NBPF26: variants seen among roughly 807,000 people sequenced by gnomAD.
The protein encoded by NBPF26 is NBPF family member NBPF26.
NBPF26 carries 79 observed loss-of-function variants against 119.6 expected under a neutral mutation model. That is an observed-to-expected ratio of 0.66 (90% CI 0.55 to 0.80). The LOEUF (loss-of-function observed/expected upper bound fraction) is 0.80. Among genes scored for constraint, NBPF26 ranks in the 30% least tolerant of loss-of-function variants. The pLI, the probability that NBPF26 is intolerant of heterozygous loss-of-function variation, is 0.00. For missense variants in NBPF26, 800 were observed against 1,198.2 expected, an observed-to-expected ratio of 0.67 and a Z score of 4.91; for synonymous variants, 299 against 457.7, an observed-to-expected ratio of 0.65 and a Z score of 4.43.
rs1221518025 is a variant in NBPF26, at chr1:120,763,691, G to T, written c.137G>T (p.Ser46Ile). ...AAAGGAATGTGTGTTACCTACCACA[G>T]TGGCACAGGATACTGCAAGTAAGTT... The change falls in exon 2 of 30, where the codon AGT becomes ATT. Residue 46 changes from serine (S) to isoleucine (I), a missense_variant. Physicochemically the swap from Ser to Ile is moderately radical, Grantham distance 142. Transcript: ENST00000620612. The T allele has an allele frequency of 2.4e-5, 34 of 1,392,792 alleles. 7 individuals are homozygous for T. The highest frequency in any genetic ancestry group is 2.9e-5 in the Non-Finnish European group (30 of 1,036,204). The allele number at this position is 1,392,792 out of a possible 1,614,324, so 86.3% of individuals were successfully genotyped here.
chr1:120,813,404 T>G (rs1341612211), intron 10 of NBPF26, among the ~76,000 whole-genome samples: 1 of 127,348 alleles, frequency 7.9e-6, no homozygotes, highest in African/African-American at 3.8e-5. Context: ...CTTAAAATCA[T>G]AACTGGAGAT....
At chr1:120,724,226 C>T in exon 1 of NBPF26, 1 of 1,405,060 alleles carries the variant, frequency 7.1e-7, no homozygotes, top group Non-Finnish European at 9.3e-7. Flanking sequence ...GGCGCTCTGG[C>T]TGTGCTGGGC....
intron 3 of NBPF26, among the ~76,000 whole-genome samples, chr1:120,790,010 CT>C (rs1174501165): frequency 9.2e-4 from 32 of 34,962 alleles, no homozygotes; most frequent in African/African-American, 3.0e-3. Context: ...TTCTGATCAC[CT>C]TTTTTTTTTT....
Position 120,819,294 on chromosome 1 carries a change from T to C in NBPF26, c.2423+1120T>C, listed in dbSNP as rs1397228625. 6.0e-5 allele frequency among the ~76,000 whole-genome samples: 7 copies of C among 116,738 alleles called. 1 individual carries two copies. The highest frequency in any genetic ancestry group is 2.5e-4 in the Admixed American group (3 of 12,222). 76.6% of individuals were successfully genotyped at this position (116,738 alleles called of 152,430 possible). A position where few individuals can be genotyped will look rare whatever the true frequency, so the allele number is the denominator to read the frequency against. On this transcript the variant is annotated intron_variant, in intron 15 of 29. Transcript: ENST00000620612. ...AAGTCTGTTTTATCAGAGACTAGGA[T>C]TGCAACCCCTGCCTTTTTTTTGTTT...
chr1:120,811,944 G>T lies in NBPF26; in HGVS notation c.1623G>T (p.Leu541Phe), dbSNP rs1240614162. ...GCATGGTGGTATCAGCCGGCCCTTT[G>T]TCCGGCGAGAAGGCAGCGATAAACA... The change falls in exon 10 of 30, where the codon TTG (leucine) becomes TTT (phenylalanine). Residue 541 changes from leucine (L) to phenylalanine (F), a missense_variant. By Grantham distance (22) the Leu-to-Phe change is conservative. This residue lies in a region of NBPF26 where 72 missense variants were observed against 81.1 expected (regional missense o/e 0.89). Transcript: ENST00000620612. 129 of 1,208,984 alleles carry T rather than the reference G, an allele frequency of 1.1e-4. 31 individuals carry two copies. The highest frequency in any genetic ancestry group is 1.4e-4 in the Non-Finnish European group (126 of 871,404). 74.9% of individuals were successfully genotyped at this position (1,208,984 alleles called of 1,614,324 possible).
chr1:120,823,722 G>A (rs1208713445), intron 17 of NBPF26, among the ~76,000 whole-genome samples: 2 of 110,268 alleles, frequency 1.8e-5, no homozygotes, highest in Admixed American at 1.7e-4. Context: ...CCTCATCAGT[G>A]TGTCACCTGA....
At chr1:120,724,416 C>G (rs1650792473) in intron 1 of NBPF26, among the ~76,000 whole-genome samples, 166 bp downstream of exon 1, 1 of 120,542 alleles carries the variant, frequency 8.3e-6, no homozygotes, top group African/African-American at 4.6e-5. Context: ...CCGGGGGCCC[C>G]TCCCGTGGTG....
At chr1:120,840,665 A>T (rs1383896693), downstream of NBPF26, 80 of 1,436,706 alleles carry the variant, frequency 5.6e-5, 18 homozygotes, top group Non-Finnish European at 7.4e-5. Context: ...TTTGAATGAA[A>T]GTACAGTTCC....
intron 3 of NBPF26, 96 bp from the exon 4 acceptor site, chr1:120,793,065 C>T (rs1651510766): frequency 3.2e-6 from 2 of 618,312 alleles, no homozygotes. Context: ...TTGAGGTCTT[C>T]TCCACGCAAG....
intron 17 of NBPF26, among the ~76,000 whole-genome samples, chr1:120,823,770 G>A (rs1392214344): frequency 8.9e-6 from 1 of 112,426 alleles, no homozygotes; most frequent in African/African-American, 5.0e-5. Context: ...GTGTGTGTGT[G>A]TGTGTGTGTG....
chr1:120,756,667 G>A (rs1418094661), intron 1 of NBPF26, among the ~76,000 whole-genome samples: 1 of 117,814 alleles, frequency 8.5e-6, no homozygotes, highest in East Asian at 2.1e-4. Flanking sequence ...AATTACTCAT[G>A]TTAGAGATTC....
At chr1:120,802,414 G>A (rs2101483080) in intron 4 of NBPF26, among the ~76,000 whole-genome samples, 1 of 126,402 alleles carries the variant, frequency 7.9e-6, no homozygotes, top group East Asian at 2.0e-4. Flanking sequence ...CTAAAGCAGA[G>A]GAGAAACTGT....
chr1:120,790,407 C>A (rs1651474021), intron 3 of NBPF26, among the ~76,000 whole-genome samples: 1 of 115,818 alleles, frequency 8.6e-6, no homozygotes, highest in Non-Finnish European at 1.6e-5. Context: ...TGTGATAGCA[C>A]TATACCTCAG....
rs1377216940 is a variant in NBPF26 at position 120,790,367 on chromosome 1, A to G, written c.416-2794A>G. Among the ~76,000 whole-genome samples, 2 of 114,464 alleles carry G rather than the reference A, an allele frequency of 1.7e-5. 1 individual carries two copies. Among genetic ancestry groups the G allele is most frequent in the Admixed American group, 1.7e-4 (2 of 11,982 alleles). 75.1% of individuals were successfully genotyped at this position (114,464 alleles called of 152,430 possible). On this transcript the variant is annotated intron_variant, in intron 3 of 29. Transcript: ENST00000620612. ...ATTTTTGTCTATCACTTTAGGAATC[A>G]TCACAGATCAAGGTCATCCTTTTGG...
At position 120,804,639 on chromosome 1, in the gene NBPF26, A is replaced by T. The variant is rs1266358036; in HGVS notation, c.752-917A>T. 1.7e-5 allele frequency among the ~76,000 whole-genome samples: 2 copies of T among 119,776 alleles called. 1 individual carries two copies. The highest frequency in any genetic ancestry group is 3.3e-5 in the Non-Finnish European group (2 of 60,864). 78.6% of individuals were successfully genotyped at this position (119,776 alleles called of 152,430 possible). A position where few individuals can be genotyped will look rare whatever the true frequency, so the allele number is the denominator to read the frequency against. On this transcript the variant is annotated intron_variant, in intron 4 of 29. Coordinates refer to ENST00000620612, the Ensembl canonical transcript of NBPF26. Reference sequence around the variant, plus strand: ...AAAGAGGTCTTGTGGCACTAGAATGACATCTATAAGTGACAAGTTTAAAAT... The same window carrying T: ...AAAGAGGTCTTGTGGCACTAGAATGTCATCTATAAGTGACAAGTTTAAAAT...
intron 2 of NBPF26, among the ~76,000 whole-genome samples, chr1:120,767,581 C>A (rs1183571950): frequency 1.5e-5 from 1 of 68,652 alleles, no homozygotes; most frequent in Non-Finnish European, 2.5e-5. Flanking sequence ...TATAATCTTG[C>A]ATAAAACTCA....
exon 5 of NBPF26, chr1:120,805,691 A>T (rs1651665468): frequency 6.9e-7 from 1 of 1,458,234 alleles, no homozygotes; most frequent in South Asian, 1.2e-5. Flanking sequence ...AACAAACAGC[A>T]GTTGAGAAAC....
rs1211867477 is a variant in NBPF26, at chr1:120,811,887, C to T, written c.1566C>T (p.Val522=). ...TGTGTTTGCCTTTCTTCTCCCCAGT[C>T]CCTGGCCCCACCTCTTCTGCCACAA... The change falls in exon 10 of 30, where the codon GTC becomes GTT. Residue 522 remains valine (V), a splice_region_variant and synonymous_variant. Coordinates refer to ENST00000620612, the Ensembl canonical transcript of NBPF26. 3.7e-4 allele frequency: 338 copies of T among 920,222 alleles called. 80 individuals carry two copies. The highest frequency in any genetic ancestry group is 1.9e-3 in the South Asian group (135 of 71,984). 57.0% of individuals were successfully genotyped at this position (920,222 alleles called of 1,614,324 possible). A position where few individuals can be genotyped will look rare whatever the true frequency, so the allele number is the denominator to read the frequency against.
In NBPF26 at chr1:120,735,392, A is replaced by AT. The variant is rs1293887517; in HGVS notation, c.73+11151dup. Among the ~76,000 whole-genome samples, 111 of 89,670 alleles carry AT rather than the reference A, an allele frequency of 1.2e-3. 20 individuals are homozygous for AT. The highest frequency in any genetic ancestry group is 1.7e-3 in the Non-Finnish European group (88 of 50,372). 58.8% of individuals were successfully genotyped at this position (89,670 alleles called of 152,430 possible). On this transcript the variant is annotated intron_variant, in intron 1 of 29. Transcript: ENST00000620612. ...TGCAGCTTGATTTTTTAAACATCAG[A>AT]TTTTTTTTTCTTTTTTGATTTTTAT...
Sources: allele counts gnomAD v4.1 joint callset (sites outside exome capture counted in the v4.1 genomes callset), GRCh38; gene constraint gnomAD v4.1.1; regional missense constraint gnomAD v4.1.1; transcripts MANE v1.5; gene names NCBI Gene and HGNC (gene_info 2026-07-23, HGNC 2026-07-21).